COL24A1: variants seen among roughly 807,000 people sequenced by gnomAD.
COL24A1 encodes the protein collagen type XXIV alpha 1 chain, also known as collagen alpha-1(XXIV) chain.
In COL24A1, 224 loss-of-function variants were observed where a neutral mutation model predicts 253.9. The ratio of observed to expected loss-of-function variants is 0.88; its 90% CI spans 0.79 to 0.99. The LOEUF is 0.99. COL24A1 is among the 50% of genes least tolerant of loss of function. The probability of loss-of-function intolerance (pLI) is 0.00; values close to 1 mark genes in which losing one functional copy is unlikely to be tolerated. For missense variants in COL24A1, 2,131 were observed against 2,068.5 expected (o/e 1.03, Z -0.59); for synonymous variants, 685 against 673.7 (o/e 1.02, Z -0.26).
Position 85,906,264 on chromosome 1 carries a change from C to CTTTTTTTTTTTTTTTTTTTTTTTTTT in COL24A1, c.2778+929_2778+930insAAAAAAAAAAAAAAAAAAAAAAAAAA, listed in dbSNP as rs10526604. ...TTTGCCAACTGGAAAACTGCAAGGT[C>CTTTTTTTTTTTTTTTTTTTTTTTTTT]TTTTTTTTTTTTTACCATGGTTAGG... On this transcript the variant is annotated intron_variant, in intron 28 of 59. Coordinates refer to ENST00000370571, the MANE Select transcript of COL24A1 (RefSeq NM_152890.7). Among the ~76,000 whole-genome samples, 730 of 77,790 alleles carry CTTTTTTTTTTTTTTTTTTTTTTTTTT rather than the reference C, an allele frequency of 9.4e-3. 205 individuals are homozygous for CTTTTTTTTTTTTTTTTTTTTTTTTTT. The highest frequency in any genetic ancestry group is 0.015 in the African/African-American group (291 of 19,382). 51.0% of individuals were successfully genotyped at this position (77,790 alleles called of 152,430 possible). A position where few individuals can be genotyped will look rare whatever the true frequency, so the allele number is the denominator to read the frequency against.
At chr1:86,073,754 A>G (rs1316272377) in intron 7 of COL24A1, among the ~76,000 whole-genome samples, 1 of 152,238 alleles carries the variant, frequency 6.6e-6, no homozygotes, top group East Asian at 1.9e-4. Context: ...GAACCCCATC[A>G]GACTAACAGC....
In COL24A1 at chr1:85,744,826, C is replaced by T. The variant is rs751949636; in HGVS notation, c.4512G>A (p.Gln1504=). The T allele has an allele frequency of 1.2e-6, 2 of 1,606,348 alleles. No individual in the cohort carries two copies. The highest frequency in any genetic ancestry group is 1.7e-6 in the Non-Finnish European group (2 of 1,176,914). Residue 1504 remains glutamine (Q), a synonymous_variant, in exon 57 of 60, where the codon CAG becomes CAA. Coordinates refer to ENST00000370571, the MANE Select transcript of COL24A1 (RefSeq NM_152890.7). Reference sequence around the variant, plus strand: ...GGTCAATTAAAGTCACTTCAGTATTCTGGTAGCTCTGCCAAGTCATCATAA... The same window carrying T: ...GGTCAATTAAAGTCACTTCAGTATTTTGGTAGCTCTGCCAAGTCATCATAA... The part of the protein sequence containing the change: ...SNTALQMESY[Q]NTEVTLIDHS...
chr1:85,849,578 G>A (rs1454152190), intron 37 of COL24A1, among the ~76,000 whole-genome samples, 172 bp from the exon 38 acceptor site: 1 of 152,144 alleles, frequency 6.6e-6, no homozygotes, highest in African/African-American at 2.4e-5. Flanking sequence ...CAATGACTTA[G>A]AGGTGTAGCT....
chr1:86,089,202 A>G lies in COL24A1; in HGVS notation c.1679T>C (p.Met560Thr). The change falls in exon 7 of 60, where the codon ATG becomes ACG. Residue 560 changes from methionine to threonine, a missense_variant. Coordinates refer to ENST00000370571, the MANE Select transcript of COL24A1 (RefSeq NM_152890.7). Reference sequence around the variant, plus strand: ...ATCACCTTGCATACCAGGGGGGCCCATTAATCCAGAAAGGCCTTGATCACC... The same window carrying G: ...ATCACCTTGCATACCAGGGGGGCCCGTTAATCCAGAAAGGCCTTGATCACC... ...EKGDQGLSGL[M>T]GPPGMQGDKG... 1 of 1,587,478 alleles carries G rather than the reference A, an allele frequency of 6.3e-7. No homozygotes were observed. Among genetic ancestry groups the G allele is most frequent in the Non-Finnish European group, 8.5e-7 (1 of 1,173,244 alleles).
At chr1:85,851,612 T>C (rs1677774740) in intron 37 of COL24A1, among the ~76,000 whole-genome samples, 1 of 152,186 alleles carries the variant, frequency 6.6e-6, no homozygotes, top group South Asian at 2.1e-4. Context: ...TAATGCTTGA[T>C]CGTATGAGAC....
intron 5 of COL24A1, among the ~76,000 whole-genome samples, chr1:86,105,941 T>A (rs1024933423): frequency 1.3e-5 from 2 of 152,190 alleles, no homozygotes; most frequent in African/African-American, 2.4e-5. Context: ...AGCTTCTGTG[T>A]CTTCCCTCTG....
At position 85,971,365 on chromosome 1, in the gene COL24A1, C is replaced by T; in HGVS notation, c.2393G>A (p.Gly798Glu). 2.5e-6 allele frequency: 4 copies of T among 1,612,612 alleles called. No homozygotes were observed. The highest frequency in any genetic ancestry group is 2.2e-5 in the South Asian group (2 of 90,864). ...CTGAGTTCCTTTGAGACCAGGAGGT[C>T]CAGGAGGTCCTCTATTTCCAAGGAG... ...KGLLGNRGPP[G>E]PPGLKGTQGE... Residue 798 changes from glycine (G) to glutamate (E), a missense_variant, in exon 21 of 60, where the codon GGA (glycine) becomes GAA (glutamate). Physicochemically the swap from Gly to Glu is moderately conservative, Grantham distance 98 (BLOSUM62 -2). Coordinates refer to ENST00000370571, the MANE Select transcript of COL24A1 (RefSeq NM_152890.7).
intron 25 of COL24A1, among the ~76,000 whole-genome samples, chr1:85,910,914 A>G (rs2102927319): frequency 6.6e-6 from 1 of 152,006 alleles, no homozygotes; most frequent in South Asian, 2.1e-4. Flanking sequence ...AATTCAGCTG[A>G]GTCCAACAGT....
chr1:85,773,367 T>C (rs371884500), intron 53 of COL24A1, among the ~76,000 whole-genome samples: 3 of 152,062 alleles, frequency 2.0e-5, no homozygotes, highest in African/African-American at 7.2e-5. Context: ...TTTTTTGGTT[T>C]CATATGAAGT....
intron 24 of COL24A1, among the ~76,000 whole-genome samples, chr1:85,922,994 CA>C (rs139014892): frequency 0.75 from 112,142 of 150,424 alleles, 41,628 homozygotes; most frequent in East Asian, 0.79. Flanking sequence ...AAATGGAGAA[CA>C]AAAAAAAAAG....
chr1:86,101,048 G>A (rs529305465), intron 5 of COL24A1, among the ~76,000 whole-genome samples: 61 of 152,124 alleles, frequency 4.0e-4, no homozygotes, highest in Admixed American at 1.5e-3. Context: ...AGAAGTGTGC[G>A]TCTGGGCATC....
chr1:85,841,410 T>C (rs1570871851), intron 41 of COL24A1, 132 bp from the exon 42 acceptor site: 2 of 596,120 alleles, frequency 3.4e-6, no homozygotes, highest in East Asian at 3.1e-5. Flanking sequence ...AAAACTTTGA[T>C]GTAAGAAACT....
intron 8 of COL24A1, 101 bp downstream of exon 8, chr1:86,063,614 G>A (rs1701265086): frequency 2.6e-6 from 2 of 764,584 alleles, no homozygotes; most frequent in Non-Finnish European, 2.0e-6. Context: ...AAATCACTGA[G>A]AAGAAAAATT....
chr1:86,148,688 C>T (rs1402187091), intron 1 of COL24A1, among the ~76,000 whole-genome samples: 4 of 152,098 alleles, frequency 2.6e-5, no homozygotes, highest in Non-Finnish European at 4.4e-5. Context: ...CTCATCATTT[C>T]TCATGGCTGC....
chr1:85,857,458 CA>C (rs57368737), intron 37 of COL24A1, among the ~76,000 whole-genome samples: 48,535 of 93,794 alleles, frequency 0.52, 7,957 homozygotes, highest in South Asian at 0.68. Context: ...CCCTCTTCTC[CA>C]AAAAAAAAAA....
intron 3 of COL24A1, among the ~76,000 whole-genome samples, chr1:86,116,196 T>C (rs1010311142): frequency 3.3e-5 from 5 of 152,212 alleles, no homozygotes; most frequent in Non-Finnish European, 5.9e-5. Context: ...CTCTGTGATA[T>C]GGCATTGTTC....
At position 85,896,031 on chromosome 1, in the gene COL24A1, T is replaced by C. The variant is rs771547085; in HGVS notation, c.2867A>G (p.His956Arg). ...TGTTTTATTACTTACAATAAGACCA[T>C]GAGGCCCTCTTTTTCCTTGATCTCC... ...EKGDQGKRGP[H>R]GLIGKTGNPG... Residue 956 changes from histidine to arginine, a missense_variant, in exon 30 of 60, where the codon CAT (histidine) becomes CGT (arginine). His to Arg is a conservative substitution (Grantham distance 29). Coordinates refer to ENST00000370571, the MANE Select transcript of COL24A1 (RefSeq NM_152890.7). The C allele has an allele frequency of 1.2e-5, 19 of 1,612,382 alleles. No individual in the cohort carries two copies. The highest frequency in any genetic ancestry group is 2.2e-5 in the East Asian group (1 of 44,804).
intron 28 of COL24A1, among the ~76,000 whole-genome samples, chr1:85,904,561 T>G (rs980291226): frequency 6.6e-6 from 1 of 152,172 alleles, no homozygotes; most frequent in African/African-American, 2.4e-5. Context: ...ACTATTTCAT[T>G]TTATTTAATT....
chr1:85,827,088 G>C (rs1237064949), intron 43 of COL24A1, among the ~76,000 whole-genome samples: 1 of 151,968 alleles, frequency 6.6e-6, no homozygotes, highest in Non-Finnish European at 1.5e-5. Flanking sequence ...TTATTATTTT[G>C]AGATACGTCC....
Sources: allele counts gnomAD v4.1 joint callset (sites outside exome capture counted in the v4.1 genomes callset), GRCh38; gene constraint gnomAD v4.1.1; transcripts MANE v1.5; gene names NCBI Gene and HGNC (gene_info 2026-07-23, HGNC 2026-07-21).